Variants in TRDN observed in about 807,000 individuals in gnomAD.
TRDN encodes triadin in skeletal muscle.
In TRDN, 161 loss-of-function variants were observed where a neutral mutation model predicts 149.7. The observed-to-expected ratio is 1.08, with a 90% CI of 0.95 to 1.23. The LOEUF (loss-of-function observed/expected upper bound fraction) is 1.23, where lower values mean the gene tolerates loss of function less well. Among genes scored for constraint, TRDN ranks in the 50% most tolerant of loss-of-function variants. TRDN has a pLI of 0.00. For synonymous variants in TRDN, 294 were observed against 250.5 expected, an observed-to-expected ratio of 1.17 and a Z score of -1.64; for missense variants, 896 against 823.5, an observed-to-expected ratio of 1.09 and a Z score of -1.08.
At position 123,217,214 on chromosome 6, in the gene TRDN, A is replaced by G. The variant is rs1275510064; in HGVS notation, c.*1387T>C. Reference sequence around the variant, plus strand: ...TCCAAAAATGCATTATTAGTAATGAATGTATTACTGATACCTAGCCTAATG... The same window carrying G: ...TCCAAAAATGCATTATTAGTAATGAGTGTATTACTGATACCTAGCCTAATG... On this transcript the variant is annotated 3_prime_UTR_variant, in exon 41 of 41. Transcript: ENST00000334268. The G allele has an allele frequency of 6.6e-6, 1 of 151,988 alleles. No homozygotes were observed. The highest frequency in any genetic ancestry group is 1.9e-4 in the East Asian group (1 of 5,156). 9.4% of individuals were successfully genotyped at this position (151,988 alleles called of 1,614,324 possible).
intron 19 of TRDN, among the ~76,000 whole-genome samples, chr6:123,370,837 A>AT (rs1257980978): frequency 2.5e-5 from 3 of 120,576 alleles, no homozygotes; most frequent in Admixed American, 8.4e-5. Flanking sequence ...GAACATTTGC[A>AT]TTTTTTCTTT....
chr6:123,436,574 T>TG (rs1275821873), intron 12 of TRDN, among the ~76,000 whole-genome samples: 15 of 152,268 alleles, frequency 9.9e-5, no homozygotes, highest in African/African-American at 3.6e-4. Context: ...TGACATCCTA[T>TG]GTATGCTCTT....
chr6:123,442,148 G>A (rs946782743), intron 10 of TRDN: 4 of 152,436 alleles, frequency 2.6e-5, no homozygotes, highest in African/African-American at 9.6e-5. Context: ...GAAAGCACAG[G>A]TGCTGGCACT....
At chr6:123,244,211 G>A (rs540911527) in intron 38 of TRDN, among the ~76,000 whole-genome samples, 5 of 152,020 alleles carry the variant, frequency 3.3e-5, no homozygotes, top group Non-Finnish European at 7.4e-5. Context: ...ACAACTCCTC[G>A]CCAGCAAGGG....
intron 24 of TRDN, among the ~76,000 whole-genome samples, chr6:123,293,512 C>T (rs1289720612): frequency 6.6e-6 from 1 of 152,132 alleles, no homozygotes; most frequent in African/African-American, 2.4e-5. Flanking sequence ...ATGGTGCATT[C>T]TTCCAGATCA....
Position 123,551,203 on chromosome 6 carries a change from G to GATATAT in TRDN, c.233-2597_233-2592dup, listed in dbSNP as rs10547981. Reference sequence around the variant, plus strand: ...TTAAATGCACTGTATGTATTTTGCAGATATATATATATATATATATTGCCT... The same window carrying GATATAT: ...TTAAATGCACTGTATGTATTTTGCAGATATATATATATATATATATATATATTGCCT... On this transcript the variant is annotated intron_variant, in intron 2 of 40. Coordinates refer to ENST00000334268, the MANE Select transcript of TRDN (RefSeq NM_006073.4). Among the ~76,000 whole-genome samples, 90 of 118,088 alleles carry GATATAT rather than the reference G, an allele frequency of 7.6e-4. 9 individuals are homozygous for GATATAT. The highest frequency in any genetic ancestry group is 1.0e-3 in the Non-Finnish European group (55 of 53,332). The allele number at this position is 118,088 out of a possible 152,430, so 77.5% of individuals were successfully genotyped here.
At chr6:123,583,367 G>A (rs910889498) in intron 1 of TRDN, among the ~76,000 whole-genome samples, 4 of 151,988 alleles carry the variant, frequency 2.6e-5, no homozygotes, top group African/African-American at 7.3e-5. Flanking sequence ...AAAAAGGAAC[G>A]TCTATACAGG....
chr6:123,439,747 T>G (rs1774770399), intron 10 of TRDN: 1 of 152,250 alleles, frequency 6.6e-6, no homozygotes, highest in African/African-American at 2.4e-5. Flanking sequence ...CATAGCCACA[T>G]AGCAGGTGGA....
intron 2 of TRDN, among the ~76,000 whole-genome samples, chr6:123,570,335 A>G (rs138314188): frequency 2.0e-5 from 3 of 152,322 alleles, no homozygotes; most frequent in African/African-American, 7.2e-5. Context: ...AAAATAAATA[A>G]ATACAGTTTA....
chr6:123,571,545 T>C (rs1782579684), intron 1 of TRDN, among the ~76,000 whole-genome samples: 1 of 152,132 alleles, frequency 6.6e-6, no homozygotes, highest in Non-Finnish European at 1.5e-5. Flanking sequence ...AGATCTAAGA[T>C]AATGATGTTA....
At chr6:123,578,900 G>T (rs976875366) in intron 1 of TRDN, among the ~76,000 whole-genome samples, 6 of 151,732 alleles carry the variant, frequency 4.0e-5, no homozygotes, top group South Asian at 2.1e-4. Context: ...TGGTTTTTTC[G>T]TGTGTGTGGC....
At chr6:123,605,212 TTTTAATAATTA>T (rs140806146) in intron 1 of TRDN, among the ~76,000 whole-genome samples, 36,332 of 148,218 alleles carry the variant, frequency 0.25, 4,605 homozygotes, top group East Asian at 0.43. Flanking sequence ...AAAATAAATA[TTTTAATAATTA>T]TTTAATAATT....
chr6:123,257,966 A>T (rs576730092), intron 35 of TRDN, among the ~76,000 whole-genome samples: 33 of 152,200 alleles, frequency 2.2e-4, no homozygotes, highest in Non-Finnish European at 3.1e-4. Context: ...ATCGCTTGTG[A>T]TTTTTGCACA....
At chr6:123,549,908 A>G (rs1562381112) in intron 2 of TRDN, among the ~76,000 whole-genome samples, 2 of 152,148 alleles carry the variant, frequency 1.3e-5, no homozygotes, top group South Asian at 2.1e-4. Flanking sequence ...TTGGTGTGAG[A>G]AACTAGAATG....
intron 38 of TRDN, among the ~76,000 whole-genome samples, chr6:123,237,507 C>G (rs1395474657): frequency 2.0e-5 from 3 of 152,200 alleles, no homozygotes; most frequent in Non-Finnish European, 4.4e-5. Flanking sequence ...CTCAGCCTCC[C>G]AAACTGCTGG....
At chr6:123,502,498 T>A in intron 8 of TRDN, 1 of 905,918 alleles carries the variant, frequency 1.1e-6, no homozygotes, top group Non-Finnish European at 1.3e-6. Flanking sequence ...TTAAAATATA[T>A]ATTTTTAAAA....
At chr6:123,373,420 T>C (rs1407002646) in intron 19 of TRDN, among the ~76,000 whole-genome samples, 1 of 152,126 alleles carries the variant, frequency 6.6e-6, no homozygotes, top group Admixed American at 6.6e-5. Flanking sequence ...CTTTCTTTGG[T>C]AAATTGCCCA....
intron 2 of TRDN, among the ~76,000 whole-genome samples, chr6:123,560,758 G>A (rs907635042): frequency 6.6e-6 from 1 of 152,076 alleles, no homozygotes; most frequent in Non-Finnish European, 1.5e-5. Context: ...AATGGTTCTT[G>A]GACCAAAGAA....
intron 12 of TRDN, among the ~76,000 whole-genome samples, chr6:123,405,511 C>T (rs1773157780): frequency 1.3e-5 from 2 of 152,134 alleles, no homozygotes; most frequent in South Asian, 2.1e-4. Flanking sequence ...TAAAATGTTA[C>T]AATGTATTCT....
Sources: gnomAD v4.1 joint callset for allele counts (sites outside exome capture counted in the v4.1 genomes callset) on GRCh38, gnomAD v4.1.1 for gene constraint, MANE v1.5 for transcripts, NCBI Gene and HGNC (gene_info 2026-07-23, HGNC 2026-07-21) for gene names.